Variants in AUTS2 observed in about 807,000 individuals in gnomAD.
AUTS2 encodes the protein autism susceptibility gene 2 protein.
AUTS2 carries 17 observed loss-of-function variants against 112.4 expected under a neutral mutation model. The observed-to-expected ratio is 0.15, with a 90% CI of 0.10 to 0.23. The LOEUF (loss-of-function observed/expected upper bound fraction) is 0.23, where lower values mean the gene tolerates loss of function less well. Among genes scored for constraint, AUTS2 ranks in the 10% least tolerant of loss-of-function variants. The probability of loss-of-function intolerance (pLI) is 1.00; values close to 1 mark genes in which losing one functional copy is unlikely to be tolerated. For missense variants in AUTS2, 1,510 were observed against 1,701.6 expected, an observed-to-expected ratio of 0.89 and a Z score of 1.98; for synonymous variants, 751 against 702.7, an observed-to-expected ratio of 1.07 and a Z score of -1.09.
rs575425407 is a variant in AUTS2 at position 69,643,313 on chromosome 7, G to A, written c.309+43351G>A. The A allele has an allele frequency of 2.0e-5, 3 of 153,562 alleles. No homozygotes were observed. In the Admixed American group the frequency reaches 2.0e-4, roughly 10 times the overall value. The allele number at this position is 153,562 out of a possible 1,614,324, so 9.5% of individuals were successfully genotyped here. On this transcript the variant is annotated intron_variant, in intron 1 of 18. Coordinates refer to ENST00000342771, the MANE Select transcript of AUTS2 (RefSeq NM_015570.4). ...CTACTCTGGTTAAAAGCAAGTCACAGGTCCCTCCCACGCTCAAGGTGAGAT... is the reference window on the plus strand; with the variant it reads ...CTACTCTGGTTAAAAGCAAGTCACAAGTCCCTCCCACGCTCAAGGTGAGAT...
At chr7:70,129,599 C>G (rs923704953) in intron 3 of AUTS2, among the ~76,000 whole-genome samples, 3 of 152,118 alleles carry the variant, frequency 2.0e-5, no homozygotes, top group Admixed American at 6.5e-5. Flanking sequence ...ATCTTAAAAG[C>G]CACTGGACTA....
chr7:70,192,265 T>G (rs1281453656), intron 4 of AUTS2, among the ~76,000 whole-genome samples: 1 of 152,204 alleles, frequency 6.6e-6, no homozygotes, highest in African/African-American at 2.4e-5. Flanking sequence ...CTCTTTTATT[T>G]ATTGATTGTA....
At chr7:70,098,077 A>C (rs957078168) in intron 2 of AUTS2, among the ~76,000 whole-genome samples, 2 of 152,224 alleles carry the variant, frequency 1.3e-5, no homozygotes, top group African/African-American at 4.8e-5. Flanking sequence ...AAAAGAAAAA[A>C]AAATCTTCGT....
At chr7:70,511,639 G>C (rs966332049) in intron 5 of AUTS2, among the ~76,000 whole-genome samples, 1 of 122,278 alleles carries the variant, frequency 8.2e-6, no homozygotes, top group African/African-American at 3.2e-5. Flanking sequence ...GCAGTGGCAC[G>C]ATCTGGGCTC....
intron 4 of AUTS2, among the ~76,000 whole-genome samples, chr7:70,297,378 G>A (rs182731589): frequency 6.6e-6 from 1 of 151,644 alleles, no homozygotes; most frequent in African/African-American, 2.4e-5. Context: ...TGGCATTGAT[G>A]TAAGTCTTGA....
At chr7:69,937,197 C>G (rs1195292817) in intron 2 of AUTS2, among the ~76,000 whole-genome samples, 1 of 152,182 alleles carries the variant, frequency 6.6e-6, no homozygotes, top group Non-Finnish European at 1.5e-5. Flanking sequence ...TATGTTATTT[C>G]TCATCTCAGA....
At chr7:70,604,083 A>G (rs1213922792) in intron 5 of AUTS2, among the ~76,000 whole-genome samples, 1 of 152,242 alleles carries the variant, frequency 6.6e-6, no homozygotes, top group Non-Finnish European at 1.5e-5. Flanking sequence ...GGAACTCACC[A>G]AACCACTCAA....
intron 4 of AUTS2, among the ~76,000 whole-genome samples, chr7:70,150,250 C>T (rs1807356966): frequency 6.6e-6 from 1 of 152,044 alleles, no homozygotes. Flanking sequence ...GCTATTAGAA[C>T]AAAACTCCTT....
chr7:70,193,687 T>C (rs2129583922), intron 4 of AUTS2, among the ~76,000 whole-genome samples: 1 of 152,332 alleles, frequency 6.6e-6, no homozygotes, highest in South Asian at 2.1e-4. Flanking sequence ...TGTTAATCCC[T>C]GTAGAGGGCA....
intron 4 of AUTS2, among the ~76,000 whole-genome samples, chr7:70,350,899 C>T (rs1221300380): frequency 6.6e-6 from 1 of 151,992 alleles, no homozygotes; most frequent in Non-Finnish European, 1.5e-5. Context: ...CTGGTAACCG[C>T]CATTGTGTTT....
intron 4 of AUTS2, among the ~76,000 whole-genome samples, chr7:70,282,974 A>C (rs897591552): frequency 5.3e-5 from 8 of 152,222 alleles, no homozygotes; most frequent in African/African-American, 1.9e-4. Flanking sequence ...TAAAGCTAAC[A>C]TAGCAGCTTC....
At chr7:70,625,900 A>G (rs772296820) in intron 5 of AUTS2, among the ~76,000 whole-genome samples, 8 of 151,878 alleles carry the variant, frequency 5.3e-5, no homozygotes, top group Non-Finnish European at 1.0e-4. Context: ...TTATTTTTTA[A>G]TATTTAGTCT....
intron 5 of AUTS2, among the ~76,000 whole-genome samples, chr7:70,496,280 C>T (rs1204281398): frequency 7.5e-6 from 1 of 133,230 alleles, no homozygotes; most frequent in Admixed American, 7.7e-5. Context: ...GTCACATCAG[C>T]GTCGATCACA....
At chr7:69,810,475 T>TAAAAAAAAAAA (rs879573433) in intron 1 of AUTS2, among the ~76,000 whole-genome samples, 1 of 142,740 alleles carries the variant, frequency 7.0e-6, no homozygotes. Context: ...GTTGTTTAAT[T>TAAAAAAAAAAA]AAAAAAAAAA....
intron 5 of AUTS2, among the ~76,000 whole-genome samples, chr7:70,581,443 G>A (rs1233786963): frequency 2.0e-5 from 3 of 152,228 alleles, no homozygotes; most frequent in East Asian, 1.9e-4. Context: ...CTATAGTCCC[G>A]GCTACTCAGG....
At chr7:70,401,330 C>A (rs976185091) in intron 4 of AUTS2, among the ~76,000 whole-genome samples, 1 of 152,158 alleles carries the variant, frequency 6.6e-6, no homozygotes, top group Non-Finnish European at 1.5e-5. Flanking sequence ...CCTGGGGAAG[C>A]CTGCATGTGT....
chr7:70,568,537 A>G (rs1023680069), intron 5 of AUTS2, among the ~76,000 whole-genome samples: 2 of 148,650 alleles, frequency 1.3e-5, no homozygotes, highest in Non-Finnish European at 2.9e-5. Context: ...ACTTTGGGGG[A>G]AAAAAAAATC....
At chr7:70,660,839 T>C (rs970978401) in intron 5 of AUTS2, among the ~76,000 whole-genome samples, 2 of 152,210 alleles carry the variant, frequency 1.3e-5, no homozygotes, top group African/African-American at 4.8e-5. Context: ...CCTGCATTGT[T>C]GTCCTTCCAT....
At chr7:70,211,286 C>G (rs886417857) in intron 4 of AUTS2, among the ~76,000 whole-genome samples, 8 of 151,426 alleles carry the variant, frequency 5.3e-5, no homozygotes, top group South Asian at 4.2e-4. Context: ...TCTTACTGTT[C>G]TTTCTGTCTT....
Sources: gnomAD v4.1 joint callset for allele counts (sites outside exome capture counted in the v4.1 genomes callset) on GRCh38, gnomAD v4.1.1 for gene constraint, MANE v1.5 for transcripts, NCBI Gene and HGNC (gene_info 2026-07-23, HGNC 2026-07-21) for gene names.